Variants in SDC2 observed in about 807,000 individuals in gnomAD.
The protein encoded by SDC2 is syndecan-2.
In SDC2, 13 loss-of-function variants were observed where a neutral mutation model predicts 22.2. That is an observed-to-expected ratio of 0.59 (90% CI 0.38 to 0.93). The LOEUF is 0.93. Among genes scored for constraint, SDC2 ranks in the 40% least tolerant of loss-of-function variants. The pLI, the probability that SDC2 is intolerant of heterozygous loss-of-function variation, is 0.00. For synonymous variants in SDC2, 94 were observed against 92.8 expected (o/e 1.01, Z -0.07); for missense variants, 235 against 246.8 (o/e 0.95, Z 0.32).
chr8:96,548,263 C>T lies in SDC2; in HGVS notation c.61-45217C>T, dbSNP rs1813968311. On this transcript the variant is annotated intron_variant, in intron 1 of 4. Transcript: ENST00000302190. ...CAAAATGAAAAACAGGATGGTTTTC[C>T]CAGCCTCTCTGTACAATTTTGATTA... Among the ~76,000 whole-genome samples, 6 of 152,192 alleles carry T rather than the reference C, an allele frequency of 3.9e-5. 1 individual carries two copies. The South Asian group carries it at 1.2e-3, about 32-fold the overall frequency.
At chr8:96,575,579 A>G (rs2589190) in intron 1 of SDC2, among the ~76,000 whole-genome samples, 29,607 of 151,996 alleles carry the variant, frequency 0.19, 3,341 homozygotes, top group South Asian at 0.35. Flanking sequence ...GCCACGAACA[A>G]TTTCTTTCTT....
chr8:96,606,976 C>T (rs900221377), intron 3 of SDC2, among the ~76,000 whole-genome samples: 4 of 152,146 alleles, frequency 2.6e-5, no homozygotes, highest in South Asian at 2.1e-4. Context: ...AGTGAGTGAG[C>T]ATTACCACCT....
At chr8:96,565,669 C>T (rs905643696) in intron 1 of SDC2, among the ~76,000 whole-genome samples, 3 of 152,090 alleles carry the variant, frequency 2.0e-5, no homozygotes, top group African/African-American at 4.8e-5. Flanking sequence ...CAGTTTTCCC[C>T]GACTCCAGTC....
At chr8:96,584,545 C>T (rs982230955) in intron 1 of SDC2, among the ~76,000 whole-genome samples, 5 of 152,162 alleles carry the variant, frequency 3.3e-5, no homozygotes, top group African/African-American at 1.2e-4. Flanking sequence ...CCCCTTTCTC[C>T]TGCCAAACTC....
chr8:96,568,463 T>A (rs530043276), intron 1 of SDC2, among the ~76,000 whole-genome samples: 47 of 152,348 alleles, frequency 3.1e-4, no homozygotes, highest in Middle Eastern at 6.8e-3. Flanking sequence ...CAAAGCTCTG[T>A]CTGTATTTGC....
At chr8:96,522,806 A>G (rs1813517138) in intron 1 of SDC2, among the ~76,000 whole-genome samples, 1 of 152,220 alleles carries the variant, frequency 6.6e-6, no homozygotes, top group East Asian at 1.9e-4. Context: ...AAGGTGTAAA[A>G]TAAATCTGGT....
At chr8:96,538,469 T>C (rs1181489598) in intron 1 of SDC2, among the ~76,000 whole-genome samples, 1 of 150,792 alleles carries the variant, frequency 6.6e-6, no homozygotes, top group Non-Finnish European at 1.5e-5. Context: ...TTGAGTTGAC[T>C]GAAGCTTTTA....
chr8:96,568,757 C>T (rs1471456045), intron 1 of SDC2, among the ~76,000 whole-genome samples: 2 of 152,012 alleles, frequency 1.3e-5, no homozygotes, highest in African/African-American at 4.8e-5. Flanking sequence ...GGTCTTTAGT[C>T]CTAAGAGAAA....
At chr8:96,550,265 T>C (rs1814005807) in intron 1 of SDC2, among the ~76,000 whole-genome samples, 1 of 152,348 alleles carries the variant, frequency 6.6e-6, no homozygotes, top group African/African-American at 2.4e-5. Flanking sequence ...TCAAAACTTT[T>C]TGAGCACTGA....
At chr8:96,580,627 A>C in intron 1 of SDC2, 2 of 646,758 alleles carry the variant, frequency 3.1e-6, no homozygotes, top group Non-Finnish European at 3.8e-6. Flanking sequence ...TCCCATCCTC[A>C]CAGGGCATGG....
intron 1 of SDC2, chr8:96,584,906 A>G (rs374577836): frequency 1.8e-4 from 28 of 152,228 alleles, no homozygotes; most frequent in African/African-American, 6.5e-4. Context: ...TTTAGTATAC[A>G]TTGCCTCATA....
intron 2 of SDC2, among the ~76,000 whole-genome samples, chr8:96,595,863 G>T (rs1196828868): frequency 1.3e-5 from 2 of 152,204 alleles, no homozygotes; most frequent in East Asian, 1.9e-4. Flanking sequence ...GATAGATCAA[G>T]CTGAGGGTTA....
intron 1 of SDC2, among the ~76,000 whole-genome samples, chr8:96,523,622 C>A (rs745543700): frequency 1.6e-4 from 25 of 152,062 alleles, no homozygotes; most frequent in Admixed American, 5.2e-4. Flanking sequence ...GCTATTATAG[C>A]CCAAAATGCC....
Position 96,610,846 on chromosome 8 carries a change from C to G in SDC2, c.*1298C>G, listed in dbSNP as rs1460152066. On this transcript the variant is annotated 3_prime_UTR_variant, in exon 5 of 5. Transcript: ENST00000302190. ...CCAGAGGAAATCTGAATGTATTATCCTGTGTGTGTCTAGGTAGAGATATTG... is the reference window on the plus strand; with the variant it reads ...CCAGAGGAAATCTGAATGTATTATCGTGTGTGTGTCTAGGTAGAGATATTG... 1 of 152,562 alleles carries G rather than the reference C, an allele frequency of 6.6e-6. No homozygotes were observed. The highest frequency in any genetic ancestry group is 1.5e-5 in the Non-Finnish European group (1 of 68,032). 9.5% of individuals were successfully genotyped at this position (152,562 alleles called of 1,614,324 possible). A position where few individuals can be genotyped will look rare whatever the true frequency, so the allele number is the denominator to read the frequency against.
chr8:96,511,359 C>T (rs1448828705), intron 1 of SDC2, among the ~76,000 whole-genome samples: 1 of 152,146 alleles, frequency 6.6e-6, no homozygotes, highest in Non-Finnish European at 1.5e-5. Context: ...GTGGGCATCA[C>T]CTGGGAGCTC....
intron 1 of SDC2, among the ~76,000 whole-genome samples, chr8:96,541,297 G>A (rs560740307): frequency 6.6e-6 from 1 of 151,948 alleles, no homozygotes; most frequent in African/African-American, 2.4e-5. Context: ...GTGTGGTGGT[G>A]TGCGTCTGTA....
At chr8:96,551,048 A>G (rs1814017143) in intron 1 of SDC2, among the ~76,000 whole-genome samples, 1 of 152,194 alleles carries the variant, frequency 6.6e-6, no homozygotes, top group Non-Finnish European at 1.5e-5. Flanking sequence ...TAGCATGTTC[A>G]TGCAAGTCCC....
chr8:96,566,053 G>C (rs1401455982), intron 1 of SDC2, among the ~76,000 whole-genome samples: 4 of 152,054 alleles, frequency 2.6e-5, no homozygotes, highest in Non-Finnish European at 5.9e-5. Flanking sequence ...TAAAATGTTG[G>C]TGATGACCAC....
chr8:96,529,626 G>T (rs1438631550), intron 1 of SDC2, among the ~76,000 whole-genome samples: 1 of 152,174 alleles, frequency 6.6e-6, no homozygotes. Flanking sequence ...GCTGGTTTCA[G>T]GTGTGAGGAA....
Sources: gnomAD v4.1 joint callset for allele counts (sites outside exome capture counted in the v4.1 genomes callset) on GRCh38, gnomAD v4.1.1 for gene constraint, MANE v1.5 for transcripts, NCBI Gene and HGNC (gene_info 2026-07-23, HGNC 2026-07-21) for gene names.